Variants in KIRREL3 observed in about 807,000 individuals in gnomAD.
KIRREL3 encodes kirre like nephrin family adhesion molecule 3, also known as kin of IRRE-like protein 3.
KIRREL3 carries 36 observed loss-of-function variants against 89.7 expected under a neutral mutation model. The observed-to-expected ratio is 0.40, with a 90% CI of 0.31 to 0.53. The LOEUF is 0.53. KIRREL3 is among the 20% of genes least tolerant of loss of function. The probability of loss-of-function intolerance (pLI) is 0.49; values close to 1 mark genes in which losing one functional copy is unlikely to be tolerated. For missense variants in KIRREL3, 864 were observed against 1,056.6 expected, an observed-to-expected ratio of 0.82 and a Z score of 2.53; for synonymous variants, 445 against 441.4, an observed-to-expected ratio of 1.01 and a Z score of -0.10.
intron 1 of KIRREL3, among the ~76,000 whole-genome samples, chr11:126,967,283 C>A (rs771436388): frequency 3.9e-5 from 6 of 152,076 alleles, no homozygotes; most frequent in Non-Finnish European, 8.8e-5. Flanking sequence ...TTCACCATGC[C>A]CGCACATCCC....
rs571591816 is a variant in KIRREL3, at chr11:126,430,853, A to G, written c.1696+566T>C. On this transcript the variant is annotated intron_variant, in intron 14 of 16. Coordinates refer to ENST00000525144, the MANE Select transcript of KIRREL3 (RefSeq NM_032531.4). This position sits in a 1 kb window ranked among gnomAD's most constrained non-coding sequence, Gnocchi z 6.6. ...GTCTTCACCTGTTCTCTGCCATCCA[A>G]TCTCTCACACGTTATCTCCTCGGTG... is the stretch of plus-strand genomic sequence containing the variant. 36 of 447,630 alleles carry G rather than the reference A, an allele frequency of 8.0e-5. No individual in the cohort carries two copies. In the South Asian group the frequency reaches 1.7e-3, roughly 21 times the overall value. 27.7% of individuals were successfully genotyped at this position (447,630 alleles called of 1,614,324 possible).
chr11:126,583,794 GC>G (rs1941682751), intron 1 of KIRREL3, among the ~76,000 whole-genome samples: 1 of 152,110 alleles, frequency 6.6e-6, no homozygotes, highest in Non-Finnish European at 1.5e-5. Flanking sequence ...CACGACCCTC[GC>G]CCGGGGAAAT....
rs1041941737 is a variant in KIRREL3 at position 126,912,126 on chromosome 11, A to G, written c.55+88329T>C. On this transcript the variant is annotated intron_variant, in intron 1 of 16. Coordinates refer to ENST00000525144, the MANE Select transcript of KIRREL3 (RefSeq NM_032531.4). The surrounding 1 kb of genome is among the most constrained non-coding windows in gnomAD (Gnocchi z 4.7). ...GACCCCTGGCAGTCTGGAAGCCTAG[A>G]TGTCGTGAATCAAGCCTCTGGCAAG... is the stretch of plus-strand genomic sequence containing the variant. 6.6e-6 allele frequency among the ~76,000 whole-genome samples: 1 copy of G among 152,080 alleles called. No homozygotes were observed. Among genetic ancestry groups the G allele is most frequent in the Admixed American group, 6.5e-5 (1 of 15,272 alleles).
rs565932012 is a variant in KIRREL3, at chr11:126,712,287, G to A, written c.56-149375C>T. 3.3e-3 allele frequency among the ~76,000 whole-genome samples: 507 copies of A among 152,232 alleles called. 2 individuals are homozygous for A. The highest frequency in any genetic ancestry group is 5.7e-3 in the Non-Finnish European group (389 of 68,022). ...CGAGTGTGTGTGTGTGTGTGTGTGC[G>A]CGCGTGCATGCATTTTGGGGGGCTG... On this transcript the variant is annotated intron_variant, in intron 1 of 16. Coordinates refer to ENST00000525144, the MANE Select transcript of KIRREL3 (RefSeq NM_032531.4).
intron 1 of KIRREL3, among the ~76,000 whole-genome samples, chr11:126,916,290 G>T (rs1046937243): frequency 6.6e-6 from 1 of 152,194 alleles, no homozygotes; most frequent in Non-Finnish European, 1.5e-5. Context: ...TGCTTCTGAA[G>T]GTTGAGTTAG....
At chr11:126,961,501 A>G (rs1469943571) in intron 1 of KIRREL3, among the ~76,000 whole-genome samples, 2 of 152,254 alleles carry the variant, frequency 1.3e-5, no homozygotes, top group African/African-American at 4.8e-5. Context: ...ACTGTCTTAA[A>G]TTATATGAAG....
rs1946443806 is a variant in KIRREL3 at position 126,903,296 on chromosome 11, C to A, written c.55+97159G>T. On this transcript the variant is annotated intron_variant, in intron 1 of 16. Coordinates refer to ENST00000525144, the MANE Select transcript of KIRREL3 (RefSeq NM_032531.4). The surrounding 1 kb of genome is among the most constrained non-coding windows in gnomAD (Gnocchi z 4.5). Reference sequence around the variant, plus strand: ...ATTTTTCTTTTCTTTTTTTTTTAAACTAATTTTTTCCTCTTTTTCTCTGGG... The same window carrying A: ...ATTTTTCTTTTCTTTTTTTTTTAAAATAATTTTTTCCTCTTTTTCTCTGGG... Among the ~76,000 whole-genome samples, 1 of 151,512 alleles carries A rather than the reference C, an allele frequency of 6.6e-6. No homozygotes were observed.
At chr11:126,507,330 G>T (rs1298372977) in intron 4 of KIRREL3, among the ~76,000 whole-genome samples, 5 of 152,044 alleles carry the variant, frequency 3.3e-5, no homozygotes, top group Non-Finnish European at 5.9e-5. Context: ...TAAAATGGAT[G>T]AATTTAATGA....
At position 126,912,578 on chromosome 11, in the gene KIRREL3, T is replaced by C. The variant is rs1946867533; in HGVS notation, c.55+87877A>G. 6.6e-6 allele frequency among the ~76,000 whole-genome samples: 1 copy of C among 152,192 alleles called. No homozygotes were observed. Among genetic ancestry groups the C allele is most frequent in the African/African-American group, 2.4e-5 (1 of 41,458 alleles). ...AGATGGAAATAACTCATCTTATCTA[T>C]TCATCTGGAATACGATCCTGATGAA... On this transcript the variant is annotated intron_variant, in intron 1 of 16. Transcript: ENST00000525144. This position sits in a 1 kb window ranked among gnomAD's most constrained non-coding sequence, Gnocchi z 4.7.
chr11:126,887,366 G>A (rs114841374), intron 1 of KIRREL3, among the ~76,000 whole-genome samples: 81 of 152,282 alleles, frequency 5.3e-4, no homozygotes, highest in African/African-American at 1.9e-3. Flanking sequence ...GGGGACTGGA[G>A]GCTAAGAAGC....
In KIRREL3 at chr11:126,802,875, G is replaced by A. The variant is rs10750341; in HGVS notation, c.55+197580C>T. ...CTCTTGTTTATATCAATTAGCCTGT[G>A]GGAAAATTGGCTTTGTTATATGGTG... On this transcript the variant is annotated intron_variant, in intron 1 of 16. Coordinates refer to ENST00000525144, the MANE Select transcript of KIRREL3 (RefSeq NM_032531.4). The surrounding 1 kb of genome is among the most constrained non-coding windows in gnomAD (Gnocchi z 5.2). 0.23 allele frequency among the ~76,000 whole-genome samples: 34,338 copies of A among 152,058 alleles called. 4,510 individuals carry two copies. The highest frequency in any genetic ancestry group is 0.46 in the East Asian group (2,385 of 5,162).
chr11:126,589,146 T>G (rs1420741609), intron 1 of KIRREL3, among the ~76,000 whole-genome samples: 2 of 152,220 alleles, frequency 1.3e-5, no homozygotes, highest in African/African-American at 2.4e-5. Context: ...TCTCCAGGTG[T>G]CTGCCTCCTG....
At position 126,498,394 on chromosome 11, in the gene KIRREL3, C is replaced by A. The variant is rs1172122229; in HGVS notation, c.433+22921G>T. 6.6e-6 allele frequency among the ~76,000 whole-genome samples: 1 copy of A among 152,146 alleles called. No individual in the cohort carries two copies. Among genetic ancestry groups the A allele is most frequent in the Non-Finnish European group, 1.5e-5 (1 of 68,020 alleles). ...CTTTAATAAGCCAGGCTCTTCCCCC[C>A]GACCCTGCGATTGTGTTCCTAATCA... is the stretch of plus-strand genomic sequence containing the variant. On this transcript the variant is annotated intron_variant, in intron 4 of 16. Coordinates refer to ENST00000525144, the MANE Select transcript of KIRREL3 (RefSeq NM_032531.4). This position sits in a 1 kb window ranked among gnomAD's most constrained non-coding sequence, Gnocchi z 4.3.
chr11:126,478,583 GTGTGTA>G lies in KIRREL3; in HGVS notation c.434-5123_434-5118del, dbSNP rs954182669. Among the ~76,000 whole-genome samples the G allele has an allele frequency of 1.9e-3, 283 of 151,754 alleles. 2 individuals are homozygous for G. The highest frequency in any genetic ancestry group is 4.3e-3 in the African/African-American group (177 of 41,348). ...TGTATGTGTATATATGTGTGTACAC[GTGTGTA>G]TGTGTATATGTATATGCATGTATAT... is the stretch of plus-strand genomic sequence containing the variant. On this transcript the variant is annotated intron_variant, in intron 4 of 16. Coordinates refer to ENST00000525144, the MANE Select transcript of KIRREL3 (RefSeq NM_032531.4).
rs1380552283 is a variant in KIRREL3 at position 126,669,527 on chromosome 11, G to A, written c.56-106615C>T. On this transcript the variant is annotated intron_variant, in intron 1 of 16. Coordinates refer to ENST00000525144, the MANE Select transcript of KIRREL3 (RefSeq NM_032531.4). The surrounding 1 kb of genome is among the most constrained non-coding windows in gnomAD (Gnocchi z 5.0). The stretch of plus-strand genomic sequence containing the variant: ...CGGTTAGATTTTTAACTTCTGGTTC[G>A]GACTAATACATCTTTTCCAGTGCAT... Among the ~76,000 whole-genome samples, 2 of 152,042 alleles carry A rather than the reference G, an allele frequency of 1.3e-5. No individual in the cohort carries two copies. The highest frequency in any genetic ancestry group is 2.9e-5 in the Non-Finnish European group (2 of 68,006).
chr11:126,688,740 G>A (rs1946760782), intron 1 of KIRREL3, among the ~76,000 whole-genome samples: 1 of 152,168 alleles, frequency 6.6e-6, no homozygotes. Flanking sequence ...CCCTGTTGCT[G>A]TCCCAGTTTT....
At chr11:126,688,103 T>C (rs1168529275) in intron 1 of KIRREL3, among the ~76,000 whole-genome samples, 1 of 152,238 alleles carries the variant, frequency 6.6e-6, no homozygotes, top group East Asian at 1.9e-4. Flanking sequence ...AATTTGGGCT[T>C]GAAGATGGAT....
At chr11:126,447,159 A>T (rs1955851941) in intron 8 of KIRREL3, among the ~76,000 whole-genome samples, 3 of 152,170 alleles carry the variant, frequency 2.0e-5, no homozygotes, top group African/African-American at 7.2e-5. Flanking sequence ...GCCTGGGAAG[A>T]AGGTGCTGGG....
chr11:126,990,813 G>A lies in KIRREL3; in HGVS notation c.55+9642C>T, dbSNP rs566084573. The stretch of plus-strand genomic sequence containing the variant: ...GTGCAGGTCCTAGGATTTAGGGAAC[G>A]CAACCACTGAGGGATTAAGTGGTGG... On this transcript the variant is annotated intron_variant, in intron 1 of 16. Coordinates refer to ENST00000525144, the MANE Select transcript of KIRREL3 (RefSeq NM_032531.4). This position sits in a 1 kb window ranked among gnomAD's most constrained non-coding sequence, Gnocchi z 6.3. Among the ~76,000 whole-genome samples, 6 of 152,344 alleles carry A rather than the reference G, an allele frequency of 3.9e-5. No homozygotes were observed. In the East Asian group the frequency reaches 9.7e-4, roughly 25 times the overall value.
Sources: allele counts gnomAD v4.1 joint callset (sites outside exome capture counted in the v4.1 genomes callset), GRCh38; gene constraint gnomAD v4.1.1; non-coding constraint Gnocchi (gnomAD v3.1); transcripts MANE v1.5; gene names NCBI Gene and HGNC (gene_info 2026-07-23, HGNC 2026-07-21).